TTC23L: variants seen among roughly 807,000 people sequenced by gnomAD.
TTC23L encodes the protein tetratricopeptide repeat protein 23-like.
A neutral mutation model predicts 48.1 loss-of-function variants in TTC23L; 42 were observed. The observed-to-expected ratio is 0.87, with a 90% CI of 0.68 to 1.13. TTC23L has a LOEUF of 1.13. TTC23L is among the 50% of genes most tolerant of loss of function. The pLI is 0.00. For missense variants in TTC23L, 391 were observed against 421.0 expected (o/e 0.93, Z 0.62); for synonymous variants, 159 against 157.2 (o/e 1.01, Z -0.09).
chr5:34,853,951 A>G (rs1759897879), intron 4 of TTC23L, among the ~76,000 whole-genome samples: 1 of 152,224 alleles, frequency 6.6e-6, no homozygotes, highest in African/African-American at 2.4e-5. Flanking sequence ...GCAAGGCCAG[A>G]TGCTGCCCTC....
intron 9 of TTC23L, among the ~76,000 whole-genome samples, chr5:34,893,909 C>G (rs978775498): frequency 2.0e-5 from 3 of 151,932 alleles, no homozygotes; most frequent in Non-Finnish European, 4.4e-5. Flanking sequence ...GACCAATAAA[C>G]ACACACACAC....
the TTC23L span, chr5:34,906,146 G>C: frequency 6.6e-6 from 1 of 151,750 alleles, no homozygotes; most frequent in South Asian, 2.1e-4. Flanking sequence ...GTAGAGGTAG[G>C]GGTTTCACCA....
chr5:34,906,789 C>T, the TTC23L span: 1 of 152,108 alleles, frequency 6.6e-6, no homozygotes, highest in Non-Finnish European at 1.5e-5. Context: ...ATGTTAGGCG[C>T]CGTTCTTTGT....
At chr5:34,872,395 T>A (rs1761529444) in intron 8 of TTC23L, among the ~76,000 whole-genome samples, 1 of 152,172 alleles carries the variant, frequency 6.6e-6, no homozygotes, top group East Asian at 1.9e-4. Context: ...GTCAAAATTT[T>A]AAAAAATGAT....
the TTC23L span, chr5:34,915,883 G>A: frequency 1.9e-6 from 3 of 1,556,382 alleles, no homozygotes; most frequent in Non-Finnish European, 2.6e-6. Flanking sequence ...CCGGATCCCA[G>A]GCCCCGTTTG....
At chr5:34,871,688 G>A (rs75398175) in intron 8 of TTC23L, among the ~76,000 whole-genome samples, 174 of 152,278 alleles carry the variant, frequency 1.1e-3, no homozygotes, top group African/African-American at 4.0e-3. Flanking sequence ...TATATTGGTG[G>A]AGGGACAGAT....
chr5:34,839,677 G>A, intron 1 of TTC23L: 1 of 985,206 alleles, frequency 1.0e-6, no homozygotes, highest in Middle Eastern at 5.2e-4. Context: ...CTCAGGGCTC[G>A]GTGGGAATTA....
At chr5:34,923,037 G>A in the TTC23L span, 1 of 1,551,610 alleles carries the variant, frequency 6.4e-7, no homozygotes, top group Non-Finnish European at 8.9e-7. Context: ...TTTGTTAAAA[G>A]AACTCTTAAT....
intron 8 of TTC23L, among the ~76,000 whole-genome samples, chr5:34,879,813 T>C (rs1762097216): frequency 6.6e-6 from 1 of 152,106 alleles, no homozygotes; most frequent in African/African-American, 2.4e-5. Flanking sequence ...CTGGCCAACA[T>C]GGTGAAACCC....
intron 9 of TTC23L, among the ~76,000 whole-genome samples, chr5:34,890,945 C>T (rs1183075473): frequency 3.3e-5 from 5 of 152,136 alleles, no homozygotes; most frequent in African/African-American, 1.2e-4. Flanking sequence ...AGCTCTCTGA[C>T]CTAGGTGAAG....
At chr5:34,841,211 C>G (rs929533808) in intron 2 of TTC23L, among the ~76,000 whole-genome samples, 9 of 151,978 alleles carry the variant, frequency 5.9e-5, no homozygotes, top group African/African-American at 1.9e-4. Context: ...TTAGTTATAA[C>G]AAGATTGGCA....
the TTC23L span, chr5:34,913,392 T>C: frequency 2.6e-6 from 2 of 781,004 alleles, no homozygotes; most frequent in South Asian, 3.2e-5. Context: ...AACCAATGTT[T>C]ATGTTCCAAA....
At chr5:34,914,667 A>G in the TTC23L span, 1 of 1,609,244 alleles carries the variant, frequency 6.2e-7, no homozygotes, top group Admixed American at 1.7e-5. Flanking sequence ...TATCTATGGC[A>G]CAGGCTTAAA....
chr5:34,910,898 T>TAA, the TTC23L span, among the ~76,000 whole-genome samples: 1 of 152,240 alleles, frequency 6.6e-6, no homozygotes, highest in Admixed American at 6.5e-5. Flanking sequence ...AGACTTGTGT[T>TAA]AAACTATCAA....
At chr5:34,886,378 A>AC (rs1339299067) in intron 9 of TTC23L, among the ~76,000 whole-genome samples, 1 of 151,752 alleles carries the variant, frequency 6.6e-6, no homozygotes, top group Non-Finnish European at 1.5e-5. Flanking sequence ...AAAAAAAAAA[A>AC]AAAAACGTTT....
At chr5:34,867,056 A>G (rs374985760) in exon 7 of TTC23L, 13 of 1,610,616 alleles carry the variant, frequency 8.1e-6, no homozygotes, top group Non-Finnish European at 1.0e-5. Context: ...CAGGCCATCC[A>G]GTACTTGCAG....
chr5:34,869,255 T>A (rs1227518153), intron 8 of TTC23L: 1 of 415,270 alleles, frequency 2.4e-6, no homozygotes, highest in African/African-American at 2.0e-5. Context: ...ATTTTGAATC[T>A]CAGTGAGATT....
downstream of TTC23L, among the ~76,000 whole-genome samples, chr5:34,899,916 C>T (rs116044437): frequency 7.3e-3 from 1,117 of 152,016 alleles, 9 homozygotes; most frequent in Non-Finnish European, 0.012. Context: ...AACAAACAAA[C>T]AAACCCAACT....
At chr5:34,859,991 CCGCCACCA>C (rs1760467589) in intron 4 of TTC23L, among the ~76,000 whole-genome samples, 1 of 151,564 alleles carries the variant, frequency 6.6e-6, no homozygotes, top group Non-Finnish European at 1.5e-5. Context: ...CTACAGGCGC[CCGCCACCA>C]CGCCTGGCTA....
Sources: gnomAD v4.1 joint callset for allele counts (sites outside exome capture counted in the v4.1 genomes callset) on GRCh38, gnomAD v4.1.1 for gene constraint, MANE v1.5 for transcripts, NCBI Gene and HGNC (gene_info 2026-07-23, HGNC 2026-07-21) for gene names.